CFAP54: variants seen among roughly 807,000 people sequenced by gnomAD.
CFAP54 encodes the protein cilia- and flagella-associated protein 54.
Under a neutral mutation model 370.4 loss-of-function variants are expected in CFAP54, and 290 were observed. The ratio of observed to expected loss-of-function variants is 0.78; its 90% CI spans 0.71 to 0.86. The LOEUF is 0.86. CFAP54 is among the 40% of genes least tolerant of loss of function. The probability of loss-of-function intolerance (pLI) is 0.00; values close to 1 mark genes in which losing one functional copy is unlikely to be tolerated. For synonymous variants in CFAP54, 1,206 were observed against 1,236.5 expected (o/e 0.98, Z 0.52); for missense variants, 3,399 against 3,528.7 (o/e 0.96, Z 0.93).
intron 11 of CFAP54, 132 bp from the exon 12 acceptor site, chr12:96,535,383 T>C (rs1955491154): frequency 1.6e-6 from 1 of 639,372 alleles, no homozygotes; most frequent in East Asian, 2.7e-5. Context: ...ATTTAACTTG[T>C]CTTATTGACA....
intron 43 of CFAP54, among the ~76,000 whole-genome samples, chr12:96,690,683 CAT>C (rs1957379228): frequency 6.6e-6 from 1 of 152,030 alleles, no homozygotes; most frequent in Non-Finnish European, 1.5e-5. Flanking sequence ...GCTAAATAGA[CAT>C]GACTTTGAAT....
chr12:96,539,185 GGA>G (rs1421845363), intron 13 of CFAP54, among the ~76,000 whole-genome samples: 2 of 148,852 alleles, frequency 1.3e-5, no homozygotes, highest in African/African-American at 5.0e-5. Context: ...CTCAGCTTCT[GGA>G]GTAGCTGCGA....
At chr12:96,576,498 C>T in intron 19 of CFAP54, 87 bp from the exon 20 acceptor site, 1 of 993,394 alleles carries the variant, frequency 1.0e-6, no homozygotes, top group African/African-American at 1.6e-5. Context: ...AAAAATATAA[C>T]ATTGTTTAAC....
At chr12:96,495,258 TTCCTTCCTTCCTTCCTTC>T (rs1954937602) in intron 1 of CFAP54, among the ~76,000 whole-genome samples, 2 of 59,314 alleles carry the variant, frequency 3.4e-5, no homozygotes, top group Non-Finnish European at 9.0e-5. Context: ...CCTTCCTTCC[TTCCTTCCTTCCTTCCTTC>T]CTTCCTTCCT....
intron 26 of CFAP54, among the ~76,000 whole-genome samples, chr12:96,614,043 G>T (rs930139791): frequency 2.0e-5 from 3 of 151,964 alleles, no homozygotes; most frequent in Non-Finnish European, 4.4e-5. Context: ...TACCAAAGCC[G>T]GGCAGAGACA....
chr12:96,764,064 C>A, intron 58 of CFAP54, 87 bp from the exon 59 acceptor site: 1 of 785,928 alleles, frequency 1.3e-6, no homozygotes, highest in Non-Finnish European at 2.1e-6. Context: ...TTAGTGACTA[C>A]ATAGCATTTC....
At chr12:96,517,217 C>A (rs183373221) in intron 5 of CFAP54, among the ~76,000 whole-genome samples, 1 of 152,230 alleles carries the variant, frequency 6.6e-6, no homozygotes, top group Admixed American at 6.5e-5. Flanking sequence ...CAGGGCTCCT[C>A]TGTGTAGTGG....
intron 5 of CFAP54, among the ~76,000 whole-genome samples, chr12:96,515,985 G>C (rs905409746): frequency 7.4e-6 from 1 of 135,976 alleles, no homozygotes; most frequent in African/African-American, 2.8e-5. Context: ...GCGCGGTCTT[G>C]GCTCACTGCA....
chr12:96,711,659 C>G (rs999886442), intron 48 of CFAP54, among the ~76,000 whole-genome samples: 1 of 152,184 alleles, frequency 6.6e-6, no homozygotes, highest in South Asian at 2.1e-4. Context: ...AGTAAGTGTT[C>G]TTGACTAGAT....
At chr12:96,728,980 T>G (rs1957880478) in intron 50 of CFAP54, among the ~76,000 whole-genome samples, 1 of 152,236 alleles carries the variant, frequency 6.6e-6, no homozygotes, top group Admixed American at 6.5e-5. Flanking sequence ...CAGCGGTGTC[T>G]GTAGAACCGC....
At chr12:96,728,915 G>A (rs1217029940) in intron 50 of CFAP54, among the ~76,000 whole-genome samples, 3 of 152,216 alleles carry the variant, frequency 2.0e-5, no homozygotes, top group Non-Finnish European at 2.9e-5. Context: ...CTCAGCTGCA[G>A]GTCTGTTGGA....
intron 50 of CFAP54, among the ~76,000 whole-genome samples, chr12:96,736,496 G>T (rs892923200): frequency 2.0e-5 from 3 of 152,180 alleles, no homozygotes; most frequent in African/African-American, 4.8e-5. Context: ...ACTAAGAAAA[G>T]GGGGTAGGCA....
chr12:96,658,148 T>C lies in CFAP54; in HGVS notation c.5324+43T>C, dbSNP rs912397960. ...GGCAATTAAAAGTAGAAGACTTCAT[T>C]GAAAAAAAAAAAAGTCTTTTAACTA... On this transcript the variant is annotated intron_variant, in intron 37 of 67. Transcript: ENST00000524981. 9.1e-6 allele frequency: 13 copies of C among 1,431,412 alleles called. No individual in the cohort carries two copies. The African/African-American group carries it at 9.9e-5, about 11-fold the overall frequency. The allele number at this position is 1,431,412 out of a possible 1,614,324, so 88.7% of individuals were successfully genotyped here.
chr12:96,632,671 G>A (rs1423391907), intron 32 of CFAP54, among the ~76,000 whole-genome samples: 1 of 151,926 alleles, frequency 6.6e-6, no homozygotes, highest in Non-Finnish European at 1.5e-5. Context: ...TGAAGAACAA[G>A]TTTCTCCAGA....
intron 6 of CFAP54, among the ~76,000 whole-genome samples, chr12:96,520,681 C>T (rs1265877422): frequency 3.3e-5 from 5 of 152,230 alleles, no homozygotes; most frequent in Non-Finnish European, 5.9e-5. Flanking sequence ...GCACCCCTTC[C>T]TTTGGGCCAA....
In CFAP54 at chr12:96,564,820, A is replaced by T. The variant is rs1955850209; in HGVS notation, c.2619+55A>T. On this transcript the variant is annotated intron_variant, in intron 19 of 67. Transcript: ENST00000524981. ...CTGACATAAAATTTCTGTTAAAATG[A>T]ATGATTCATTTCCTTTATTAAAAAT... 7.4e-6 allele frequency: 4 copies of T among 539,662 alleles called. No individual in the cohort carries two copies. The East Asian group carries it at 9.2e-5, about 12-fold the overall frequency. 33.4% of individuals were successfully genotyped at this position (539,662 alleles called of 1,614,324 possible).
intron 6 of CFAP54, 105 bp from the exon 7 acceptor site, chr12:96,521,752 A>C: frequency 1.2e-6 from 1 of 806,454 alleles, no homozygotes; most frequent in Non-Finnish European, 1.9e-6. Flanking sequence ...CCTAGAGCTT[A>C]ATTCACAGAT....
At chr12:96,679,244 C>T (rs184328419) in intron 39 of CFAP54, among the ~76,000 whole-genome samples, 77 of 152,146 alleles carry the variant, frequency 5.1e-4, no homozygotes, top group Non-Finnish European at 8.8e-4. Flanking sequence ...TGTCTCTTTC[C>T]CAAGGCACCT....
intron 14 of CFAP54, 21 bp from the exon 15 acceptor site, chr12:96,547,881 C>G: frequency 1.5e-6 from 2 of 1,334,658 alleles, no homozygotes; most frequent in Non-Finnish European, 2.0e-6. Flanking sequence ...TCATTCCCTT[C>G]CTCCTTCCTT....
Sources: gnomAD v4.1 joint callset for allele counts (sites outside exome capture counted in the v4.1 genomes callset) on GRCh38, gnomAD v4.1.1 for gene constraint, MANE v1.5 for transcripts, NCBI Gene and HGNC (gene_info 2026-07-23, HGNC 2026-07-21) for gene names.